Variants in CFAP298 observed in about 807,000 individuals in gnomAD.
CFAP298 encodes cilia and flagella associated protein 298, also known as cilia- and flagella-associated protein 298.
Under a neutral mutation model 41.0 loss-of-function variants are expected in CFAP298, and 38 were observed. The observed-to-expected ratio is 0.93, with a 90% CI of 0.72 to 1.22. The LOEUF (loss-of-function observed/expected upper bound fraction) is 1.22, where lower values mean the gene tolerates loss of function less well. Among genes scored for constraint, CFAP298 ranks in the 50% most tolerant of loss-of-function variants. The pLI, the probability that CFAP298 is intolerant of heterozygous loss-of-function variation, is 0.00. For synonymous variants in CFAP298, 137 were observed against 135.3 expected, an observed-to-expected ratio of 1.01 and a Z score of -0.09; for missense variants, 348 against 360.3, an observed-to-expected ratio of 0.97 and a Z score of 0.28.
Position 32,599,718 on chromosome 21 carries a change from C to T in CFAP298, c.*2145G>A, listed in dbSNP as rs2038705274. 6.6e-6 allele frequency among the ~76,000 whole-genome samples: 1 copy of T among 152,172 alleles called. No individual in the cohort carries two copies. The highest frequency in any genetic ancestry group is 1.5e-5 in the Non-Finnish European group (1 of 68,038). ...GTGGATGCAAAGGGAACACACACAG[C>T]ACGGTGCCACAGCGGGCACCACCTG... On this transcript the variant is annotated 3_prime_UTR_variant, in exon 7 of 7. Transcript: ENST00000290155.
At position 32,600,222 on chromosome 21, in the gene CFAP298, G is replaced by C. The variant is rs913687765; in HGVS notation, c.*1641C>G. ...TAGAGACATTTAAAACTATAACCAAGTAAAAGAGAAAATAGATGCAAATTT... is the reference window on the plus strand; with the variant it reads ...TAGAGACATTTAAAACTATAACCAACTAAAAGAGAAAATAGATGCAAATTT... On this transcript the variant is annotated 3_prime_UTR_variant, in exon 7 of 7. Coordinates refer to ENST00000290155, the MANE Select transcript of CFAP298 (RefSeq NM_021254.4). 1.3e-5 allele frequency among the ~76,000 whole-genome samples: 2 copies of C among 152,184 alleles called. No individual in the cohort carries two copies. Among genetic ancestry groups the C allele is most frequent in the Non-Finnish European group, 2.9e-5 (2 of 68,026 alleles).
Position 32,601,671 on chromosome 21 carries a change from C to T in CFAP298, c.*192G>A. On this transcript the variant is annotated 3_prime_UTR_variant, in exon 7 of 7. Transcript: ENST00000290155. ...GAAACAAAAACGATTTACACATTTTCTTCTGACTAGGTATTTATTAAGTTC... is the reference window on the plus strand; with the variant it reads ...GAAACAAAAACGATTTACACATTTTTTTCTGACTAGGTATTTATTAAGTTC... 2.0e-6 allele frequency: 1 copy of T among 505,320 alleles called. No homozygotes were observed. The allele number at this position is 505,320 out of a possible 1,614,324, so 31.3% of individuals were successfully genotyped here. A position where few individuals can be genotyped will look rare whatever the true frequency, so the allele number is the denominator to read the frequency against.
At chr21:32,608,656 CAAAAAAAAAAAAAA>C (rs57270252) in intron 2 of CFAP298, among the ~76,000 whole-genome samples, 2 of 54,994 alleles carry the variant, frequency 3.6e-5, no homozygotes, top group Non-Finnish European at 7.7e-5. Flanking sequence ...GACTCTGTCT[CAAAAAAAAAAAAAA>C]AAAAAAAAAA....
rs974890639 is a variant in CFAP298 at position 32,599,393 on chromosome 21, C to G, written c.*2470G>C. Reference sequence around the variant, plus strand: ...AAATTTTATTACTAGCATTCCTGGTCTCCATGAAAGAACCACATAAGAAGA... The same window carrying G: ...AAATTTTATTACTAGCATTCCTGGTGTCCATGAAAGAACCACATAAGAAGA... On this transcript the variant is annotated 3_prime_UTR_variant, in exon 7 of 7. Transcript: ENST00000290155. 6.6e-6 allele frequency among the ~76,000 whole-genome samples: 1 copy of G among 152,154 alleles called. No homozygotes were observed. The highest frequency in any genetic ancestry group is 1.5e-5 in the Non-Finnish European group (1 of 68,046).
chr21:32,607,039 G>A (rs2038880905), intron 3 of CFAP298, among the ~76,000 whole-genome samples: 1 of 152,146 alleles, frequency 6.6e-6, no homozygotes, highest in Non-Finnish European at 1.5e-5. Context: ...ACTTTGTTAA[G>A]TTCTTCAAAA....
At chr21:32,607,911 G>A (rs563535738) in intron 2 of CFAP298, among the ~76,000 whole-genome samples, 195 bp from the exon 3 acceptor site, 1 of 152,268 alleles carries the variant, frequency 6.6e-6, no homozygotes, top group African/African-American at 2.4e-5. Flanking sequence ...GCAGAGACCT[G>A]GAGTGTGCTT....
At chr21:32,603,789 TG>T in intron 4 of CFAP298, among the ~76,000 whole-genome samples, 1 of 152,278 alleles carries the variant, frequency 6.6e-6, no homozygotes, top group Non-Finnish European at 1.5e-5. Flanking sequence ...CAAATTTCCA[TG>T]CAAAGGGACT....
chr21:32,602,112 G>C, intron 6 of CFAP298, 139 bp from the exon 7 acceptor site: 1 of 859,850 alleles, frequency 1.2e-6, no homozygotes, highest in African/African-American at 1.7e-5. Context: ...CTAACACCAG[G>C]GGACACCTGG....
chr21:32,608,244 AG>A (rs1335584605), intron 2 of CFAP298, among the ~76,000 whole-genome samples: 78 of 150,032 alleles, frequency 5.2e-4, no homozygotes, highest in African/African-American at 1.9e-3. Flanking sequence ...AAAAAAAAAA[AG>A]AAGAAGATGG....
At position 32,603,186 on chromosome 21, in the gene CFAP298, G is replaced by C; in HGVS notation, c.641C>G (p.Thr214Ser). Reference protein sequence around the residue: ...LSDYVGKNEKTKIIAKIQQRG... With the variant: ...LSDYVGKNEKSKIIAKIQQRG... ...TTGCTGAATCTTGGCGATAATTTTG[G>C]TTTTTTCATTCTTCCCCACGTAGTC... The change falls in exon 5 of 7, where the codon ACC (threonine) becomes AGC (serine). Residue 214 changes from threonine to serine, a missense_variant. By Grantham distance (58) the Thr-to-Ser change is moderately conservative. Transcript: ENST00000290155. 6.2e-7 allele frequency: 1 copy of C among 1,614,184 alleles called. No homozygotes were observed. The highest frequency in any genetic ancestry group is 8.5e-7 in the Non-Finnish European group (1 of 1,180,020).
At chr21:32,606,113 A>G (rs2038862261) in intron 3 of CFAP298, among the ~76,000 whole-genome samples, 1 of 152,256 alleles carries the variant, frequency 6.6e-6, no homozygotes, top group South Asian at 2.1e-4. Context: ...TACTGGAAAC[A>G]GAGAAGCTCA....
chr21:32,605,486 T>C (rs1164176762), intron 3 of CFAP298, among the ~76,000 whole-genome samples: 1 of 152,198 alleles, frequency 6.6e-6, no homozygotes, highest in East Asian at 1.9e-4. Context: ...CCTCACTCCC[T>C]TCCTCCACCT....
intron 4 of CFAP298, among the ~76,000 whole-genome samples, chr21:32,603,629 G>A (rs1349581260): frequency 1.3e-5 from 2 of 152,192 alleles, no homozygotes; most frequent in African/African-American, 2.4e-5. Context: ...GAGGTATAAA[G>A]GGGCTGCCTG....
Position 32,601,932 on chromosome 21 carries a change from TG to T in CFAP298, c.803del (p.Pro268HisfsTer8). 6.2e-7 allele frequency: 1 copy of T among 1,613,064 alleles called. No homozygotes were observed. Among genetic ancestry groups the T allele is most frequent in the Admixed American group, 1.7e-5 (1 of 60,024 alleles). ...TTTTCAAAGCAGTGTTATCCGCCCA[TG>T]GTGAGTTTAAATAGGCATCATCATC... ...ENDDDAYLNS[P>X]WADNTALKRH... On this transcript the variant is annotated frameshift_variant, in exon 7 of 7. Coordinates refer to ENST00000290155, the MANE Select transcript of CFAP298 (RefSeq NM_021254.4). LOFTEE classifies it high-confidence loss of function.
intron 3 of CFAP298, among the ~76,000 whole-genome samples, chr21:32,606,369 A>C (rs1447636230): frequency 6.6e-6 from 1 of 152,190 alleles, no homozygotes; most frequent in Non-Finnish European, 1.5e-5. Flanking sequence ...AGAGAGGAAG[A>C]AGACCAAGGA....
chr21:32,602,424 C>T (rs554890649), intron 5 of CFAP298, 57 bp from the exon 6 acceptor site: 22 of 1,571,494 alleles, frequency 1.4e-5, no homozygotes, highest in Middle Eastern at 1.7e-4. Flanking sequence ...AGTGACAATC[C>T]TGAAGTTACA....
chr21:32,601,362 A>G lies in CFAP298; in HGVS notation c.*501T>C, dbSNP rs1292464401. Among the ~76,000 whole-genome samples, 2 of 127,300 alleles carry G rather than the reference A, an allele frequency of 1.6e-5. No homozygotes were observed. The highest frequency in any genetic ancestry group is 5.3e-4 in the East Asian group (2 of 3,798). 83.5% of individuals were successfully genotyped at this position (127,300 alleles called of 152,430 possible). A position where few individuals can be genotyped will look rare whatever the true frequency, so the allele number is the denominator to read the frequency against. Reference sequence around the variant, plus strand: ...CCCAGGATAGAGTGCAGTGGCAGTGATCTTGGCTCACTGTAAGCTCCACCT... The same window carrying G: ...CCCAGGATAGAGTGCAGTGGCAGTGGTCTTGGCTCACTGTAAGCTCCACCT... On this transcript the variant is annotated 3_prime_UTR_variant, in exon 7 of 7. Transcript: ENST00000290155.
chr21:32,602,696 T>C lies in CFAP298; in HGVS notation c.667-329A>G, dbSNP rs111534701. ...ATCTACATAAGGTGGAGGGCCCCAT[T>C]TCCCCAAAATCACAGCCTAGTGACG... is the stretch of plus-strand genomic sequence containing the variant. On this transcript the variant is annotated intron_variant, in intron 5 of 6. Coordinates refer to ENST00000290155, the MANE Select transcript of CFAP298 (RefSeq NM_021254.4). 4.6e-4 allele frequency: 573 copies of C among 1,236,556 alleles called. 5 individuals carry two copies. In the African/African-American group the frequency reaches 7.7e-3, roughly 17 times the overall value. The allele number at this position is 1,236,556 out of a possible 1,614,324, so 76.6% of individuals were successfully genotyped here.
intron 3 of CFAP298, chr21:32,604,587 G>A (rs860076): frequency 3.0e-6 from 1 of 330,508 alleles, no homozygotes; most frequent in Non-Finnish European, 5.7e-6. Context: ...ATACGGCAGG[G>A]GGAGCAGGCA....
Sources: allele counts gnomAD v4.1 joint callset (sites outside exome capture counted in the v4.1 genomes callset), GRCh38; gene constraint gnomAD v4.1.1; transcripts MANE v1.5; gene names NCBI Gene and HGNC (gene_info 2026-07-23, HGNC 2026-07-21).